Variants in TGFBR2 observed in about 807,000 individuals in gnomAD.
The protein encoded by TGFBR2 is transforming growth factor beta receptor 2.
In TGFBR2, 18 loss-of-function variants were observed where a neutral mutation model predicts 49.0. The ratio of observed to expected loss-of-function variants is 0.37; its 90% CI spans 0.25 to 0.54. The LOEUF (loss-of-function observed/expected upper bound fraction) is 0.54, where lower values mean the gene tolerates loss of function less well. Among genes scored for constraint, TGFBR2 ranks in the 20% least tolerant of loss-of-function variants. The probability of loss-of-function intolerance (pLI) is 0.85; values close to 1 mark genes in which losing one functional copy is unlikely to be tolerated. For synonymous variants in TGFBR2, 282 were observed against 275.9 expected, an observed-to-expected ratio of 1.02 and a Z score of -0.22; for missense variants, 525 against 722.6, an observed-to-expected ratio of 0.73 and a Z score of 3.13.
intron 3 of TGFBR2, among the ~76,000 whole-genome samples, chr3:30,668,611 T>A (rs1323699436): frequency 6.6e-6 from 1 of 152,172 alleles, no homozygotes; most frequent in Non-Finnish European, 1.5e-5. Flanking sequence ...AATCATTCTG[T>A]AATTGCTTTG....
intron 3 of TGFBR2, among the ~76,000 whole-genome samples, chr3:30,659,076 G>T (rs1699061100): frequency 6.6e-6 from 1 of 152,222 alleles, no homozygotes; most frequent in South Asian, 2.1e-4. Flanking sequence ...TGTAAGAAAT[G>T]AAAAGAGTAA....
chr3:30,693,170 A>T lies in TGFBR2; in HGVS notation c.*1571A>T. 1 of 233,380 alleles carries T rather than the reference A, an allele frequency of 4.3e-6. No homozygotes were observed. Among genetic ancestry groups the T allele is most frequent in the Non-Finnish European group, 8.5e-6 (1 of 117,988 alleles). The allele number at this position is 233,380 out of a possible 1,614,324, so 14.5% of individuals were successfully genotyped here. ...CCCAAGTTTCTTTTGCTTATATGTT[A>T]ATAGTTTTACCCTCTGCATTGGAGA... On this transcript the variant is annotated 3_prime_UTR_variant, in exon 7 of 7. Transcript: ENST00000295754.
At chr3:30,627,311 G>A (rs1367156485) in intron 1 of TGFBR2, among the ~76,000 whole-genome samples, 1 of 152,032 alleles carries the variant, frequency 6.6e-6, no homozygotes, top group African/African-American at 2.4e-5. Flanking sequence ...CCCACTTCAG[G>A]TTTCAGAAAG....
chr3:30,611,211 C>T (rs960435250), intron 1 of TGFBR2, among the ~76,000 whole-genome samples: 3 of 152,170 alleles, frequency 2.0e-5, no homozygotes, highest in African/African-American at 4.8e-5. Flanking sequence ...ATTTAGCACC[C>T]AGGAAGTGCT....
At chr3:30,663,254 A>C (rs1157331626) in intron 3 of TGFBR2, among the ~76,000 whole-genome samples, 3 of 150,166 alleles carry the variant, frequency 2.0e-5, no homozygotes, top group Non-Finnish European at 4.4e-5. Flanking sequence ...AAATATATAT[A>C]CAGTACAGTC....
At chr3:30,658,290 T>C (rs1864615) in intron 3 of TGFBR2, among the ~76,000 whole-genome samples, 102,657 of 152,150 alleles carry the variant, frequency 0.67, 35,370 homozygotes, top group Non-Finnish European at 0.74. Context: ...AGCATACTAA[T>C]ATCACTCTTG....
chr3:30,607,798 A>AT (rs1697950529), intron 1 of TGFBR2, among the ~76,000 whole-genome samples: 6 of 131,096 alleles, frequency 4.6e-5, no homozygotes, highest in African/African-American at 1.4e-4. Context: ...AAAAATAAAA[A>AT]AATATATATA....
intron 1 of TGFBR2, among the ~76,000 whole-genome samples, chr3:30,612,727 A>G (rs1421191548): frequency 1.2e-5 from 1 of 83,428 alleles, no homozygotes; most frequent in East Asian, 5.3e-4. Context: ...AGTGTGTAGG[A>G]CAATCATTTG....
intron 6 of TGFBR2, 77 bp downstream of exon 6, chr3:30,688,588 T>C (rs1699663355): frequency 1.9e-6 from 3 of 1,591,462 alleles, no homozygotes; most frequent in South Asian, 2.2e-5. Flanking sequence ...TCTGGAATAT[T>C]GAGCTTAAAT....
At chr3:30,652,196 G>A (rs1698903140) in intron 3 of TGFBR2, among the ~76,000 whole-genome samples, 1 of 142,050 alleles carries the variant, frequency 7.0e-6, no homozygotes, top group Non-Finnish European at 1.5e-5. Flanking sequence ...TCCTCATCCT[G>A]TAAATGGTCC....
chr3:30,653,334 C>T (rs559641179), intron 3 of TGFBR2, among the ~76,000 whole-genome samples: 1 of 150,574 alleles, frequency 6.6e-6, no homozygotes, highest in South Asian at 2.1e-4. Context: ...TCACTGCAAC[C>T]TCTGCCTCCT....
chr3:30,659,863 G>A (rs192167934), intron 3 of TGFBR2, among the ~76,000 whole-genome samples: 10 of 151,878 alleles, frequency 6.6e-5, no homozygotes, highest in African/African-American at 2.2e-4. Context: ...GCTGCTTTGC[G>A]AGTGTCTCAG....
chr3:30,672,500 C>T lies in TGFBR2; in HGVS notation c.1254+63C>T. On this transcript the variant is annotated intron_variant, in intron 4 of 6. Transcript: ENST00000295754. This position sits in a 1 kb window ranked among gnomAD's most constrained non-coding sequence, Gnocchi z 4.5. ...GCCTGGCCTCACCCTACCTCTTGAT[C>T]CATATCTCCTGGCTCTTATCTCAAA... The T allele has an allele frequency of 1.9e-6, 3 of 1,545,582 alleles. No individual in the cohort carries two copies. The highest frequency in any genetic ancestry group is 2.7e-6 in the Non-Finnish European group (3 of 1,118,138).
At chr3:30,639,484 C>A (rs1246140972) in intron 1 of TGFBR2, among the ~76,000 whole-genome samples, 2 of 152,218 alleles carry the variant, frequency 1.3e-5, no homozygotes, top group African/African-American at 2.4e-5. Flanking sequence ...AGTTCCCAGG[C>A]TGCCAGTCTG....
At chr3:30,630,775 C>T (rs144651352) in intron 1 of TGFBR2, among the ~76,000 whole-genome samples, 2 of 152,184 alleles carry the variant, frequency 1.3e-5, no homozygotes, top group East Asian at 3.9e-4. Context: ...ATCCTTTTGC[C>T]CTTCCATTTT....
chr3:30,654,723 G>A (rs1575148922), intron 3 of TGFBR2, among the ~76,000 whole-genome samples: 2 of 152,348 alleles, frequency 1.3e-5, no homozygotes, highest in Non-Finnish European at 2.9e-5. Flanking sequence ...AGCAGCACAG[G>A]AGGTAGGAGA....
At chr3:30,607,792 AT>A (rs200908260) in intron 1 of TGFBR2, among the ~76,000 whole-genome samples, 2,154 of 135,712 alleles carry the variant, frequency 0.016, 58 homozygotes, top group African/African-American at 0.062. Context: ...AAAAATAAAA[AT>A]AAAAAAATAT....
chr3:30,632,507 C>CA lies in TGFBR2; in HGVS notation c.95-12234dup. Among the ~76,000 whole-genome samples the CA allele has an allele frequency of 2.0e-5, 3 of 152,218 alleles. No individual in the cohort carries two copies. In the South Asian group the frequency reaches 6.2e-4, roughly 32 times the overall value. ...TGAAAGCATCAGGGCACAGTGGTAACAAAAAATTATTATATTTCAATTTGT... is the reference window on the plus strand; with the variant it reads ...TGAAAGCATCAGGGCACAGTGGTAACAAAAAAATTATTATATTTCAATTTGT... On this transcript the variant is annotated intron_variant, in intron 1 of 6. Transcript: ENST00000295754.
At chr3:30,680,698 AAAAAG>A (rs1183366525) in intron 5 of TGFBR2, among the ~76,000 whole-genome samples, 2 of 152,344 alleles carry the variant, frequency 1.3e-5, no homozygotes, top group Non-Finnish European at 2.9e-5. Flanking sequence ...AAAAGAAAAA[AAAAAG>A]AAAACAAATC....
Sources: gnomAD v4.1 joint callset for allele counts (sites outside exome capture counted in the v4.1 genomes callset) on GRCh38, gnomAD v4.1.1 for gene constraint, Gnocchi (gnomAD v3.1) non-coding constraint, MANE v1.5 for transcripts, NCBI Gene and HGNC (gene_info 2026-07-23, HGNC 2026-07-21) for gene names.